SHANK2: variants seen among roughly 807,000 people sequenced by gnomAD.
SHANK2 encodes SH3 and multiple ankyrin repeat domains protein 2.
In SHANK2, 43 loss-of-function variants were observed where a neutral mutation model predicts 133.7. The observed-to-expected ratio is 0.32, with a 90% CI of 0.25 to 0.41. The LOEUF (loss-of-function observed/expected upper bound fraction) is 0.41, where lower values mean the gene tolerates loss of function less well. Ranked by LOEUF, SHANK2 falls within the 10% of genes least tolerant of loss-of-function variation. The pLI, the probability that SHANK2 is intolerant of heterozygous loss-of-function variation, is 1.00. For missense variants in SHANK2, 1,994 were observed against 2,235.8 expected, an observed-to-expected ratio of 0.89 and a Z score of 2.18; for synonymous variants, 1,017 against 952.8, an observed-to-expected ratio of 1.07 and a Z score of -1.24.
rs1555121887 is a variant in SHANK2, at chr11:71,224,696, C to G, written c.-13+1G>C. The G allele has an allele frequency of 6.6e-6, 1 of 152,176 alleles. No homozygotes were observed. Among genetic ancestry groups the G allele is most frequent in the Non-Finnish European group, 1.5e-5 (1 of 68,074 alleles). 9.4% of individuals were successfully genotyped at this position (152,176 alleles called of 1,614,324 possible). On this transcript the variant is annotated splice_donor_variant, in intron 2 of 25. Coordinates refer to ENST00000601538, the MANE Select transcript of SHANK2 (RefSeq NM_012309.5). LOFTEE classifies it low-confidence loss of function (5UTR_SPLICE). ...GGACAGGGGAAAATGTTATAACTCA[C>G]CAGAGGTGTTGGGAGACTGAGCCTC...
chr11:71,127,959 T>C (rs544802712), intron 3 of SHANK2, among the ~76,000 whole-genome samples: 1 of 152,124 alleles, frequency 6.6e-6, no homozygotes, highest in Non-Finnish European at 1.5e-5. Flanking sequence ...CCAGCCATCC[T>C]CTCCGCGTCT....
In SHANK2 at chr11:71,107,708, G is replaced by A. The variant is rs188755043; in HGVS notation, c.592+2233C>T. 9.7e-4 allele frequency among the ~76,000 whole-genome samples: 148 copies of A among 152,284 alleles called. 1 individual carries two copies. Among genetic ancestry groups the A allele is most frequent in the African/African-American group, 3.4e-3 (141 of 41,542 alleles). ...ACTCCAGGCAGGACCCAGAGAAATC[G>A]CTGCTTACCTGTTTCAGAGTCTGCA... On this transcript the variant is annotated intron_variant, in intron 6 of 25. Transcript: ENST00000601538.
chr11:71,152,088 G>A (rs1166852999), intron 2 of SHANK2, among the ~76,000 whole-genome samples: 2 of 152,018 alleles, frequency 1.3e-5, no homozygotes, highest in Admixed American at 6.5e-5. Flanking sequence ...AAAAAAACGT[G>A]AAATTTATAA....
At chr11:70,863,466 G>A (rs906995989) in intron 11 of SHANK2, 2 of 457,784 alleles carry the variant, frequency 4.4e-6, no homozygotes, top group African/African-American at 2.0e-5. Flanking sequence ...GCTATGTGGT[G>A]GAAGACACGG....
intron 2 of SHANK2, among the ~76,000 whole-genome samples, chr11:71,151,476 C>T (rs1278787191): frequency 9.9e-5 from 15 of 152,154 alleles, no homozygotes; most frequent in Admixed American, 2.6e-4. Context: ...CCTGTAGCTG[C>T]GATGCCACCC....
At chr11:70,848,737 G>A (rs782701773) in intron 11 of SHANK2, among the ~76,000 whole-genome samples, 4 of 152,186 alleles carry the variant, frequency 2.6e-5, no homozygotes, top group African/African-American at 9.7e-5. Flanking sequence ...TTCAGGGTCC[G>A]AGAAGCTTGG....
At chr11:70,839,431 C>A (rs1004499873) in intron 11 of SHANK2, among the ~76,000 whole-genome samples, 1 of 152,176 alleles carries the variant, frequency 6.6e-6, no homozygotes, top group Non-Finnish European at 1.5e-5. Context: ...ACACACACCC[C>A]CCTGGTAGAG....
chr11:71,134,584 C>A (rs1419734193), intron 3 of SHANK2, among the ~76,000 whole-genome samples: 1 of 151,820 alleles, frequency 6.6e-6, no homozygotes, highest in African/African-American at 2.4e-5. Flanking sequence ...GGATTATAGG[C>A]GTGCATCACC....
Position 70,674,911 on chromosome 11 carries a change from G to A in SHANK2, c.1854-13233C>T, listed in dbSNP as rs957424796. Among the ~76,000 whole-genome samples, 6 of 152,202 alleles carry A rather than the reference G, an allele frequency of 3.9e-5. No individual in the cohort carries two copies. The South Asian group carries it at 6.2e-4, about 16-fold the overall frequency. ...AAAGATAGGCTCTAAATATTCTAAC[G>A]ACATTTAAGTCCACACAAATAATAC... is the stretch of plus-strand genomic sequence containing the variant. On this transcript the variant is annotated intron_variant, in intron 15 of 25. Transcript: ENST00000601538.
intron 17 of SHANK2, among the ~76,000 whole-genome samples, chr11:70,580,156 A>G (rs2060165061): frequency 6.6e-6 from 1 of 152,228 alleles, no homozygotes; most frequent in Non-Finnish European, 1.5e-5. Flanking sequence ...GGCTGAGAAC[A>G]TCAGAAAGCC....
chr11:71,108,842 C>T (rs1256380469), intron 6 of SHANK2, among the ~76,000 whole-genome samples: 3 of 152,210 alleles, frequency 2.0e-5, no homozygotes, highest in African/African-American at 7.2e-5. Flanking sequence ...CTGCTCACAG[C>T]GAAGCCTAAG....
At chr11:70,530,095 A>G (rs1462437851) in intron 17 of SHANK2, among the ~76,000 whole-genome samples, 1 of 152,198 alleles carries the variant, frequency 6.6e-6, no homozygotes. Flanking sequence ...ACTCAAGCAG[A>G]TATTTGCTCA....
rs563086040 is a variant in SHANK2 at position 71,097,001 on chromosome 11, C to T, written c.593-2313G>A. On this transcript the variant is annotated intron_variant, in intron 6 of 25. Coordinates refer to ENST00000601538, the MANE Select transcript of SHANK2 (RefSeq NM_012309.5). The stretch of plus-strand genomic sequence containing the variant: ...AGGCAGTTAAAGGTGGCTGCATAAA[C>T]GCACCGGTGGAGAAAATGATCCCAC... Among the ~76,000 whole-genome samples the T allele has an allele frequency of 2.6e-3, 397 of 152,284 alleles. 2 individuals carry two copies. Among genetic ancestry groups the T allele is most frequent in the African/African-American group, 9.2e-3 (383 of 41,564 alleles).
At chr11:70,915,575 G>A (rs7124020) in intron 10 of SHANK2, among the ~76,000 whole-genome samples, 48,259 of 151,970 alleles carry the variant, frequency 0.32, 10,040 homozygotes, top group African/African-American at 0.6. Flanking sequence ...GAGCCCACCC[G>A]AGTGACATCA....
At chr11:70,811,111 A>G (rs782791896) in intron 12 of SHANK2, among the ~76,000 whole-genome samples, 24 of 152,140 alleles carry the variant, frequency 1.6e-4, no homozygotes, top group Admixed American at 2.6e-4. Context: ...GGTTGACTCC[A>G]GGGGGAGCAA....
chr11:70,751,862 A>G (rs1387716037), intron 14 of SHANK2, among the ~76,000 whole-genome samples: 2 of 151,754 alleles, frequency 1.3e-5, no homozygotes, highest in East Asian at 3.8e-4. Context: ...TAAAAAAAAA[A>G]GCTATATAAT....
At chr11:70,680,005 C>G (rs977240085) in intron 15 of SHANK2, among the ~76,000 whole-genome samples, 3 of 152,126 alleles carry the variant, frequency 2.0e-5, no homozygotes, top group Non-Finnish European at 4.4e-5. Context: ...GGACAGGGGT[C>G]GGTGGAGCAG....
chr11:70,822,075 G>A (rs1948536239), intron 11 of SHANK2, among the ~76,000 whole-genome samples: 2 of 152,242 alleles, frequency 1.3e-5, no homozygotes, highest in African/African-American at 4.8e-5. Context: ...TTCCAAGAAA[G>A]AAGACCTCCT....
chr11:71,204,394 C>T (rs112739429), intron 2 of SHANK2, among the ~76,000 whole-genome samples: 6 of 152,214 alleles, frequency 3.9e-5, no homozygotes, highest in African/African-American at 1.4e-4. Context: ...CAGGACCCAG[C>T]GCACCTCCCA....
Sources: allele counts gnomAD v4.1 joint callset (sites outside exome capture counted in the v4.1 genomes callset), GRCh38; gene constraint gnomAD v4.1.1; transcripts MANE v1.5; gene names NCBI Gene and HGNC (gene_info 2026-07-23, HGNC 2026-07-21).